Variants in KANK1 observed in about 807,000 individuals in gnomAD.
The protein encoded by KANK1 is KN motif and ankyrin repeat domain-containing protein 1.
In KANK1, 109 loss-of-function variants were observed where a neutral mutation model predicts 106.2. The observed-to-expected ratio is 1.03, with a 90% CI of 0.88 to 1.20. The LOEUF (loss-of-function observed/expected upper bound fraction) is 1.20, where lower values mean the gene tolerates loss of function less well. Among genes scored for constraint, KANK1 ranks in the 50% most tolerant of loss-of-function variants. The probability of loss-of-function intolerance (pLI) is 0.00; values close to 1 mark genes in which losing one functional copy is unlikely to be tolerated. For missense variants in KANK1, 2,399 were observed against 1,710.7 expected, an observed-to-expected ratio of 1.40 and a Z score of -7.10; for synonymous variants, 873 against 652.2, an observed-to-expected ratio of 1.34 and a Z score of -5.16.
At chr9:481,990 C>T (rs1324140887) in intron 3 of KANK1, among the ~76,000 whole-genome samples, 1 of 152,186 alleles carries the variant, frequency 6.6e-6, no homozygotes, top group South Asian at 2.1e-4. Flanking sequence ...CAACTTCTTC[C>T]TCAGATCCTA....
intron 1 of KANK1, among the ~76,000 whole-genome samples, chr9:640,731 C>G (rs911764726): frequency 1.1e-4 from 16 of 143,942 alleles, no homozygotes; most frequent in African/African-American, 3.9e-4. Flanking sequence ...GAGTCTTGCT[C>G]TGTTGCCCAG....
intron 1 of KANK1, among the ~76,000 whole-genome samples, chr9:579,768 T>C (rs981018831): frequency 6.6e-6 from 1 of 152,164 alleles, no homozygotes. Context: ...CCCTATGTTA[T>C]TCCGTTCACA....
intron 1 of KANK1, among the ~76,000 whole-genome samples, chr9:557,803 G>A (rs1815232538): frequency 6.6e-6 from 1 of 152,166 alleles, no homozygotes; most frequent in African/African-American, 2.4e-5. Flanking sequence ...GCTGAGGTGG[G>A]AGGACTGTGT....
intron 3 of KANK1, among the ~76,000 whole-genome samples, chr9:718,066 C>G (rs1156294668): frequency 6.6e-6 from 1 of 152,168 alleles, no homozygotes; most frequent in Non-Finnish European, 1.5e-5. Context: ...CAAAAGTAGT[C>G]ATTACAAAAT....
chr9:513,157 C>G (rs10974929), intron 1 of KANK1, among the ~76,000 whole-genome samples: 24,787 of 152,162 alleles, frequency 0.16, 3,663 homozygotes, highest in African/African-American at 0.4. Context: ...TAATTTGACA[C>G]TTTTTATTTT....
chr9:481,951 G>A (rs1252114590), intron 3 of KANK1, among the ~76,000 whole-genome samples: 1 of 152,172 alleles, frequency 6.6e-6, no homozygotes, highest in African/African-American at 2.4e-5. Flanking sequence ...GCGAGGAGGA[G>A]GGTCATGCTT....
At chr9:574,332 A>G (rs536987413) in intron 1 of KANK1, among the ~76,000 whole-genome samples, 3 of 136,500 alleles carry the variant, frequency 2.2e-5, no homozygotes, top group South Asian at 5.5e-4. Context: ...TTCCTTTGGC[A>G]TATTTTAATG....
chr9:712,443 C>G lies in KANK1; in HGVS notation c.1677C>G (p.Val559=). ...GCCAGCCTGAATGTAAGAATAAAGTCGTAGGGCCTGAGCTGCCTATGAATT... is the reference window on the plus strand; with the variant it reads ...GCCAGCCTGAATGTAAGAATAAAGTGGTAGGGCCTGAGCTGCCTATGAATT... ...ISCQPECKNK[V]VGPELPMNWW... The change falls in exon 3 of 12, where the codon GTC becomes GTG. Residue 559 remains valine, a synonymous_variant. Transcript: ENST00000382297. 6.2e-7 allele frequency: 1 copy of G among 1,614,072 alleles called. No individual in the cohort carries two copies.
intron 3 of KANK1, among the ~76,000 whole-genome samples, chr9:484,820 T>C (rs964782987): frequency 1.3e-5 from 2 of 152,136 alleles, no homozygotes; most frequent in African/African-American, 4.8e-5. Flanking sequence ...AGAAGGACTT[T>C]CTGGATTTCT....
At chr9:677,074 T>C in intron 2 of KANK1, 65 bp downstream of exon 2, 2 of 1,424,980 alleles carry the variant, frequency 1.4e-6, no homozygotes, top group African/African-American at 2.8e-5. Context: ...TTTTTTATTC[T>C]CTTTAATAAT....
At chr9:624,527 G>A (rs2136508121) in intron 1 of KANK1, among the ~76,000 whole-genome samples, 1 of 152,224 alleles carries the variant, frequency 6.6e-6, no homozygotes, top group South Asian at 2.1e-4. Flanking sequence ...AAACAGGCCG[G>A]GTGTGGTGGC....
intron 3 of KANK1, among the ~76,000 whole-genome samples, chr9:727,468 C>T (rs1474247297): frequency 6.6e-6 from 1 of 151,620 alleles, no homozygotes; most frequent in African/African-American, 2.4e-5. Flanking sequence ...AGGCACTCAC[C>T]ACCATGCCCA....
In KANK1 at chr9:740,789, C is replaced by G; in HGVS notation, c.3554-3C>G. 6.7e-7 allele frequency: 1 copy of G among 1,490,836 alleles called. No individual in the cohort carries two copies. The highest frequency in any genetic ancestry group is 1.2e-5 in the South Asian group (1 of 82,768). The allele number at this position is 1,490,836 out of a possible 1,614,324, so 92.4% of individuals were successfully genotyped here. A position where few individuals can be genotyped will look rare whatever the true frequency, so the allele number is the denominator to read the frequency against. On this transcript the variant is annotated splice_polypyrimidine_tract_variant and splice_region_variant and intron_variant, in intron 8 of 11. Coordinates refer to ENST00000382297, the MANE Select transcript of KANK1 (RefSeq NM_015158.5). ...AGAGACTTTTTTTTTTTTTTTTTTA[C>G]AGATGTGTGTAATGTGGATCACCAG...
chr9:670,965 T>G (rs59855993), intron 1 of KANK1, among the ~76,000 whole-genome samples: 8 of 139,588 alleles, frequency 5.7e-5, no homozygotes, highest in South Asian at 2.3e-4. Flanking sequence ...TTTTTTTTTT[T>G]TTTTTTTTTT....
intron 1 of KANK1, among the ~76,000 whole-genome samples, chr9:548,222 T>C (rs1245805068): frequency 6.6e-6 from 1 of 152,186 alleles, no homozygotes; most frequent in Non-Finnish European, 1.5e-5. Context: ...CAGCAGTCAT[T>C]CTAAACCACA....
intron 1 of KANK1, among the ~76,000 whole-genome samples, chr9:651,037 C>G (rs576141608): frequency 6.6e-6 from 1 of 152,266 alleles, no homozygotes; most frequent in South Asian, 2.1e-4. Context: ...GTTTGTGTGA[C>G]TATATTCTGG....
In KANK1 at chr9:526,834, A is replaced by G. The variant is rs1242736981; in HGVS notation, c.-84+22080A>G. Among the ~76,000 whole-genome samples the G allele has an allele frequency of 2.0e-5, 3 of 151,824 alleles. 1 individual carries two copies. Among genetic ancestry groups the G allele is most frequent in the African/African-American group, 7.3e-5 (3 of 41,164 alleles). On this transcript the variant is annotated intron_variant, in intron 1 of 11. Transcript: ENST00000382297. ...TCATGTCATTTCTTGATTTTTTTAAATTCAATTTTGGATATTTACTTTCCT... is the reference window on the plus strand; with the variant it reads ...TCATGTCATTTCTTGATTTTTTTAAGTTCAATTTTGGATATTTACTTTCCT...
At chr9:476,980 G>A (rs189236892) in intron 3 of KANK1, among the ~76,000 whole-genome samples, 20 of 152,184 alleles carry the variant, frequency 1.3e-4, no homozygotes, top group Admixed American at 3.3e-4. Flanking sequence ...CTAAGATCCC[G>A]CTTCTCATCT....
At chr9:555,761 C>G (rs894969748) in intron 1 of KANK1, among the ~76,000 whole-genome samples, 4 of 152,128 alleles carry the variant, frequency 2.6e-5, no homozygotes, top group African/African-American at 9.7e-5. Context: ...TCTGTGAGTT[C>G]CTAGTACATA....
Sources: gnomAD v4.1 joint callset for allele counts (sites outside exome capture counted in the v4.1 genomes callset) on GRCh38, gnomAD v4.1.1 for gene constraint, MANE v1.5 for transcripts, NCBI Gene and HGNC (gene_info 2026-07-23, HGNC 2026-07-21) for gene names.